The following MAN1C1 variants were observed in gnomAD, a reference collection of about 807,000 sequenced individuals.
The protein encoded by MAN1C1 is mannosidase alpha class 1C member 1.
MAN1C1 carries 49 observed loss-of-function variants against 71.5 expected under a neutral mutation model. That is an observed-to-expected ratio of 0.69 (90% confidence interval 0.54 to 0.87). MAN1C1 has a LOEUF of 0.87. Ranked by LOEUF, MAN1C1 falls within the 40% of genes least tolerant of loss-of-function variation. The pLI is 0.00. For missense variants in MAN1C1, 743 were observed against 835.0 expected (o/e 0.89, Z 1.36); for synonymous variants, 352 against 343.7 (o/e 1.02, Z -0.27).
At chr1:25,705,217 A>C (rs773881931) in intron 2 of MAN1C1, among the ~76,000 whole-genome samples, 10 of 152,390 alleles carry the variant, frequency 6.6e-5, no homozygotes, top group Non-Finnish European at 1.0e-4. Context: ...GTATCCCTGC[A>C]GATGCGTTCC....
intron 2 of MAN1C1, among the ~76,000 whole-genome samples, chr1:25,745,592 G>A (rs149152364): frequency 5.7e-4 from 87 of 152,262 alleles, no homozygotes; most frequent in African/African-American, 2.0e-3. Flanking sequence ...GGCACAGGTC[G>A]ACCTCACCTG....
chr1:25,772,670 G>A (rs1282806865), intron 8 of MAN1C1, among the ~76,000 whole-genome samples: 1 of 152,136 alleles, frequency 6.6e-6, no homozygotes, highest in Non-Finnish European at 1.5e-5. Flanking sequence ...TGCTGTGTGG[G>A]GAACAGAAGC....
chr1:25,703,410 G>A (rs989984053), intron 2 of MAN1C1, among the ~76,000 whole-genome samples: 4 of 152,120 alleles, frequency 2.6e-5, no homozygotes, highest in Non-Finnish European at 5.9e-5. Context: ...GGCTGGGCGC[G>A]GTGGCTCACA....
At chr1:25,694,551 C>T (rs150641878) in intron 2 of MAN1C1, among the ~76,000 whole-genome samples, 8 of 152,272 alleles carry the variant, frequency 5.3e-5, no homozygotes, top group African/African-American at 9.6e-5. Flanking sequence ...GCCTTGTAAA[C>T]GGAGCAAATA....
intron 2 of MAN1C1, among the ~76,000 whole-genome samples, chr1:25,692,164 G>A (rs189686298): frequency 1.2e-4 from 19 of 152,266 alleles, no homozygotes; most frequent in Non-Finnish European, 2.2e-4. Context: ...TCAGTGCAGC[G>A]CTCTTTGCGC....
At position 25,776,540 on chromosome 1, in the gene MAN1C1, A is replaced by C. The variant is rs566889817; in HGVS notation, c.1258-1565A>C. Among the ~76,000 whole-genome samples the C allele has an allele frequency of 3.3e-5, 5 of 152,078 alleles. No homozygotes were observed. Among genetic ancestry groups the C allele is most frequent in the Admixed American group, 6.6e-5 (1 of 15,266 alleles). ...TGCACTTCAGCCTGGGTGACAGAGT[A>C]AGACTGTGTCTCAAAACAAAACGAA... On this transcript the variant is annotated intron_variant, in intron 8 of 11. Coordinates refer to ENST00000374332, the MANE Select transcript of MAN1C1 (RefSeq NM_020379.4). This position sits in a 1 kb window ranked among gnomAD's most constrained non-coding sequence, Gnocchi z 4.3.
chr1:25,619,906 T>C (rs2124745739), intron 1 of MAN1C1, among the ~76,000 whole-genome samples: 1 of 152,134 alleles, frequency 6.6e-6, no homozygotes, highest in Non-Finnish European at 1.5e-5. Context: ...ATGCATGCAG[T>C]TTTTCATGGG....
In MAN1C1 at chr1:25,735,701, A is replaced by G. The variant is rs1398886170; in HGVS notation, c.638-10967A>G. ...CTGGAATTTGGTTTATCTAGGCTGC[A>G]TCTAGCTAGATCCAAGTCTGCTCTG... is the stretch of plus-strand genomic sequence containing the variant. On this transcript the variant is annotated intron_variant, in intron 2 of 11. Transcript: ENST00000374332. The surrounding 1 kb of genome is among the most constrained non-coding windows in gnomAD (Gnocchi z 4.6). 1.3e-5 allele frequency among the ~76,000 whole-genome samples: 2 copies of G among 152,192 alleles called. No homozygotes were observed. Among genetic ancestry groups the G allele is most frequent in the Admixed American group, 1.3e-4 (2 of 15,286 alleles).
chr1:25,649,914 A>G (rs1183457054), intron 1 of MAN1C1, among the ~76,000 whole-genome samples: 1 of 152,218 alleles, frequency 6.6e-6, no homozygotes. Context: ...GCTGGGATAC[A>G]GGAGTGAGCC....
At chr1:25,684,916 A>C (rs1408290020) in intron 1 of MAN1C1, among the ~76,000 whole-genome samples, 2 of 152,218 alleles carry the variant, frequency 1.3e-5, no homozygotes, top group Non-Finnish European at 2.9e-5. Context: ...ACTGGTAGAA[A>C]AGCAGATTCT....
chr1:25,723,299 G>A (rs2124281309), intron 2 of MAN1C1, among the ~76,000 whole-genome samples: 1 of 152,344 alleles, frequency 6.6e-6, no homozygotes, highest in East Asian at 1.9e-4. Context: ...CTTGGCAGAA[G>A]TAGGAAGAGA....
chr1:25,657,696 A>G (rs1231937924), intron 1 of MAN1C1, among the ~76,000 whole-genome samples: 12 of 152,194 alleles, frequency 7.9e-5, no homozygotes, highest in Non-Finnish European at 5.9e-5. Context: ...AGCCGGAGCC[A>G]TAGACAAACA....
At chr1:25,745,198 G>A (rs1274988038) in intron 2 of MAN1C1, among the ~76,000 whole-genome samples, 1 of 152,194 alleles carries the variant, frequency 6.6e-6, no homozygotes, top group Non-Finnish European at 1.5e-5. Flanking sequence ...ACTTATCTCA[G>A]CCTTTACTCC....
intron 7 of MAN1C1, among the ~76,000 whole-genome samples, chr1:25,768,511 T>A (rs1211823643): frequency 1.0e-4 from 4 of 39,124 alleles, no homozygotes; most frequent in East Asian, 9.5e-4. Context: ...ACACCCACAC[T>A]CCCCTCACAT....
At chr1:25,672,064 A>G (rs1572137952) in intron 1 of MAN1C1, among the ~76,000 whole-genome samples, 1 of 152,260 alleles carries the variant, frequency 6.6e-6, no homozygotes, top group East Asian at 1.9e-4. Context: ...CAGGGAAGCC[A>G]GCAGCCTAAC....
chr1:25,750,489 G>A (rs10127929), intron 4 of MAN1C1, among the ~76,000 whole-genome samples: 5,857 of 152,038 alleles, frequency 0.039, 348 homozygotes, highest in African/African-American at 0.13. Context: ...GAGGTGAGGC[G>A]GGCAAGCCAC....
rs572399191 is a variant in MAN1C1, at chr1:25,749,299, G to A, written c.798G>A (p.Gly266=). ...SLFEVNIRYI[G]GLLSAFYLTG... ...TTGAGGTGAACATCCGCTACATCGG[G>A]GGACTCCTCTCAGCCTTCTACCTGA... Residue 266 remains glycine, a synonymous_variant, in exon 4 of 12, where the codon GGG becomes GGA. Coordinates refer to ENST00000374332, the MANE Select transcript of MAN1C1 (RefSeq NM_020379.4). The A allele has an allele frequency of 2.5e-6, 4 of 1,612,364 alleles. No individual in the cohort carries two copies. Among genetic ancestry groups the A allele is most frequent in the African/African-American group, 2.7e-5 (2 of 74,916 alleles).
chr1:25,688,951 C>T (rs1259462919), intron 2 of MAN1C1, among the ~76,000 whole-genome samples: 1 of 152,154 alleles, frequency 6.6e-6, no homozygotes, highest in Non-Finnish European at 1.5e-5. Flanking sequence ...CCCTGTCATC[C>T]AGTACATGTA....
At chr1:25,700,810 C>G (rs1310152037) in intron 2 of MAN1C1, among the ~76,000 whole-genome samples, 1 of 152,152 alleles carries the variant, frequency 6.6e-6, no homozygotes, top group Non-Finnish European at 1.5e-5. Flanking sequence ...GGGGGACAGG[C>G]CAGGCCAAGC....
Sources: allele counts gnomAD v4.1 joint callset (sites outside exome capture counted in the v4.1 genomes callset), GRCh38; gene constraint gnomAD v4.1.1; non-coding constraint Gnocchi (gnomAD v3.1); transcripts MANE v1.5; gene names NCBI Gene and HGNC (gene_info 2026-07-23, HGNC 2026-07-21).